The following RIMS1 variants were observed in gnomAD, a reference collection of about 807,000 sequenced individuals.
RIMS1 encodes the protein regulating synaptic membrane exocytosis 1.
In RIMS1, 83 loss-of-function variants were observed where a neutral mutation model predicts 214.1. The observed-to-expected ratio is 0.39, with a 90% CI of 0.32 to 0.47. RIMS1 has a LOEUF of 0.47. Among genes scored for constraint, RIMS1 ranks in the 20% least tolerant of loss-of-function variants. The probability of loss-of-function intolerance (pLI) is 0.99; values close to 1 mark genes in which losing one functional copy is unlikely to be tolerated. For synonymous variants in RIMS1, 793 were observed against 786.8 expected (o/e 1.01, Z -0.13); for missense variants, 2,050 against 2,161.8 (o/e 0.95, Z 1.03).
At position 71,898,907 on chromosome 6, in the gene RIMS1, A is replaced by G. The variant is rs146058197; in HGVS notation, c.164+11720A>G. On this transcript the variant is annotated intron_variant, in intron 1 of 33. Coordinates refer to ENST00000521978, the MANE Select transcript of RIMS1 (RefSeq NM_014989.7). The stretch of plus-strand genomic sequence containing the variant: ...ACTTGGTTCCATTTTAACTACCAAC[A>G]CATTCAAACATTTAATTTTTTTCAT... Among the ~76,000 whole-genome samples, 145 of 152,240 alleles carry G rather than the reference A, an allele frequency of 9.5e-4. 1 individual carries two copies. The highest frequency in any genetic ancestry group is 2.7e-3 in the Admixed American group (42 of 15,282).
intron 1 of RIMS1, among the ~76,000 whole-genome samples, chr6:71,931,519 G>A (rs1415319326): frequency 6.6e-6 from 1 of 151,888 alleles, no homozygotes; most frequent in Non-Finnish European, 1.5e-5. Context: ...AACATGCCAC[G>A]GATTTTTTCT....
At chr6:72,026,761 T>C (rs779977838) in intron 2 of RIMS1, among the ~76,000 whole-genome samples, 2 of 152,174 alleles carry the variant, frequency 1.3e-5, no homozygotes, top group Non-Finnish European at 2.9e-5. Context: ...GTTTTCACTA[T>C]GTAGTGGCAC....
intron 1 of RIMS1, among the ~76,000 whole-genome samples, chr6:71,950,705 A>T (rs531783976): frequency 6.6e-6 from 1 of 152,314 alleles, no homozygotes; most frequent in South Asian, 2.1e-4. Context: ...TTCAAGATTT[A>T]TTTTTAAAAT....
intron 28 of RIMS1, among the ~76,000 whole-genome samples, chr6:72,329,637 A>G (rs768043580): frequency 2.1e-4 from 32 of 150,364 alleles, no homozygotes; most frequent in Non-Finnish European, 4.0e-4. Context: ...ACTTCTGTAG[A>G]GAGTCAAATG....
chr6:72,048,954 G>A (rs1823839137), intron 2 of RIMS1, among the ~76,000 whole-genome samples: 1 of 152,178 alleles, frequency 6.6e-6, no homozygotes, highest in Non-Finnish European at 1.5e-5. Flanking sequence ...GAAAAGGGAT[G>A]CAGGCAAAGA....
intron 28 of RIMS1, among the ~76,000 whole-genome samples, chr6:72,328,109 T>C (rs558713511): frequency 1.3e-5 from 2 of 151,368 alleles, no homozygotes; most frequent in African/African-American, 4.8e-5. Flanking sequence ...ATATACACCA[T>C]GGAATACTAT....
At chr6:71,900,208 G>A (rs1378397474) in intron 1 of RIMS1, among the ~76,000 whole-genome samples, 1 of 151,998 alleles carries the variant, frequency 6.6e-6, no homozygotes, top group African/African-American at 2.4e-5. Context: ...TAGAAGTAAA[G>A]AATGAGAGCC....
intron 31 of RIMS1, among the ~76,000 whole-genome samples, chr6:72,393,813 G>GCAT (rs1386941544): frequency 1.3e-5 from 2 of 152,044 alleles, no homozygotes; most frequent in Admixed American, 6.6e-5. Context: ...AAGACTGTTA[G>GCAT]CATTACCTTC....
chr6:72,283,247 C>G (rs1447763804), intron 23 of RIMS1, among the ~76,000 whole-genome samples: 1 of 151,772 alleles, frequency 6.6e-6, no homozygotes, highest in Non-Finnish European at 1.5e-5. Context: ...TTTTACATTA[C>G]TTATTTCAAA....
chr6:72,265,049 A>G lies in RIMS1; in HGVS notation c.3191A>G (p.Tyr1064Cys), dbSNP rs1343380469. 1 of 1,574,820 alleles carries G rather than the reference A, an allele frequency of 6.3e-7. No individual in the cohort carries two copies. The highest frequency in any genetic ancestry group is 2.3e-5 in the East Asian group (1 of 43,922). Residue 1064 changes from tyrosine (Y) to cysteine (C), a missense_variant, in exon 20 of 34, where the codon TAC becomes TGC. Tyr to Cys is a radical substitution (Grantham distance 194). Coordinates refer to ENST00000521978, the MANE Select transcript of RIMS1 (RefSeq NM_014989.7). ...CAGAGCAGTTCTCACTGGAATATTT[A>G]CAGGTAAGAGCCCTAACAGTGAGTC... Reference protein sequence around the residue: ...LLQSSSHWNIYSSILPAHTKT... With the variant: ...LLQSSSHWNICSSILPAHTKT...
intron 4 of RIMS1, chr6:72,126,761 TAAAAA>T (rs71540329): frequency 4.7e-4 from 58 of 124,494 alleles, no homozygotes; most frequent in South Asian, 1.1e-3. Flanking sequence ...ATTAAAAAGT[TAAAAA>T]AAAAAAAAAA....
At chr6:72,321,055 C>T (rs1366886481) in intron 28 of RIMS1, among the ~76,000 whole-genome samples, 1 of 151,988 alleles carries the variant, frequency 6.6e-6, no homozygotes, top group Admixed American at 6.6e-5. Context: ...TATTTGCTAA[C>T]TGTATACGTA....
intron 24 of RIMS1, 64 bp downstream of exon 24, chr6:72,284,182 A>G: frequency 7.3e-7 from 1 of 1,369,712 alleles, no homozygotes; most frequent in Non-Finnish European, 1.0e-6. Flanking sequence ...GGGTGCTGTC[A>G]CTCTCATTTT....
chr6:72,352,747 G>C (rs1344727103), intron 29 of RIMS1, among the ~76,000 whole-genome samples: 2 of 152,016 alleles, frequency 1.3e-5, no homozygotes, highest in African/African-American at 4.8e-5. Flanking sequence ...TAAAAGCCTT[G>C]TTCTAGAAGC....
chr6:72,067,227 G>A (rs762432184), intron 2 of RIMS1, among the ~76,000 whole-genome samples: 2 of 152,112 alleles, frequency 1.3e-5, no homozygotes, highest in Non-Finnish European at 2.9e-5. Flanking sequence ...AGCATAAAAT[G>A]TATGCAATTT....
At chr6:71,958,572 T>A (rs1393249300) in intron 1 of RIMS1, among the ~76,000 whole-genome samples, 3 of 152,000 alleles carry the variant, frequency 2.0e-5, no homozygotes, top group Non-Finnish European at 4.4e-5. Context: ...GGAATGGAGA[T>A]CAAAGTGACA....
chr6:72,148,925 C>T (rs1384283628), intron 4 of RIMS1, among the ~76,000 whole-genome samples: 1 of 151,868 alleles, frequency 6.6e-6, no homozygotes, highest in Non-Finnish European at 1.5e-5. Flanking sequence ...ACCAGGGCCT[C>T]CTCAAATAAG....
intron 2 of RIMS1, among the ~76,000 whole-genome samples, chr6:71,990,750 C>G (rs1194322542): frequency 6.6e-6 from 1 of 151,742 alleles, no homozygotes; most frequent in African/African-American, 2.4e-5. Flanking sequence ...TCAGAAGGAA[C>G]GTGTCCCTGG....
chr6:72,355,726 G>T (rs994599772), intron 29 of RIMS1, among the ~76,000 whole-genome samples: 2 of 152,028 alleles, frequency 1.3e-5, no homozygotes, highest in Admixed American at 6.6e-5. Flanking sequence ...TTTCCCAGTG[G>T]TTTATTGCTT....
Sources: gnomAD v4.1 joint callset for allele counts (sites outside exome capture counted in the v4.1 genomes callset) on GRCh38, gnomAD v4.1.1 for gene constraint, MANE v1.5 for transcripts, NCBI Gene and HGNC (gene_info 2026-07-23, HGNC 2026-07-21) for gene names.